MYLK: variants seen among roughly 807,000 people sequenced by gnomAD.
MYLK encodes myosin light chain kinase, smooth muscle.
In MYLK, 106 loss-of-function variants were observed where a neutral mutation model predicts 203.4. The observed-to-expected ratio is 0.52, with a 90% CI of 0.45 to 0.61. The LOEUF (loss-of-function observed/expected upper bound fraction) is 0.61. MYLK is among the 20% of genes least tolerant of loss of function. MYLK has a pLI of 0.00. For missense variants in MYLK, 2,072 were observed against 2,442.3 expected (o/e 0.85, Z 3.20); for synonymous variants, 867 against 959.5 (o/e 0.90, Z 1.78).
chr3:123,758,583 T>A (rs76061622), intron 4 of MYLK, among the ~76,000 whole-genome samples: 4,323 of 152,226 alleles, frequency 0.028, 201 homozygotes, highest in African/African-American at 0.096. Flanking sequence ...TAGGAATCCC[T>A]GCACCTCGAC....
chr3:123,654,109 G>A (rs192513651), intron 24 of MYLK, among the ~76,000 whole-genome samples: 23 of 151,992 alleles, frequency 1.5e-4, no homozygotes, highest in African/African-American at 3.1e-4. Context: ...GGATCCCTGC[G>A]AAAGCTGTCC....
rs760139340 is a variant in MYLK at position 123,781,085 on chromosome 3, C to T, written c.165+12592G>A. On this transcript the variant is annotated intron_variant, in intron 4 of 33. Transcript: ENST00000360304. ...TGATGGAAGTCCAAGAGGCAAATCC[C>T]GGGACCTGCTCAGGGAATGTAGGGC... Among the ~76,000 whole-genome samples, 9 of 152,182 alleles carry T rather than the reference C, an allele frequency of 5.9e-5. No homozygotes were observed. The South Asian group carries it at 6.2e-4, about 11-fold the overall frequency.
chr3:123,670,519 C>T (rs2059881315), intron 20 of MYLK, among the ~76,000 whole-genome samples: 1 of 152,084 alleles, frequency 6.6e-6, no homozygotes, highest in Non-Finnish European at 1.5e-5. Flanking sequence ...CTTTGGGAGG[C>T]AGAGGTGGCA....
At position 123,618,456 on chromosome 3, in the gene MYLK, G is replaced by A. The variant is rs2057640709; in HGVS notation, c.5500+183C>T. ...GTGACTGAAGGACACACCTTCAGGA[G>A]GTGGGAGTGCAGGGCATAGCCCTTT... On this transcript the variant is annotated intron_variant, in intron 33 of 33. Transcript: ENST00000360304. The A allele has an allele frequency of 7.4e-6, 5 of 680,148 alleles. No homozygotes were observed. The East Asian group carries it at 1.4e-4, about 19-fold the overall frequency. The allele number at this position is 680,148 out of a possible 1,614,324, so 42.1% of individuals were successfully genotyped here. A position where few individuals can be genotyped will look rare whatever the true frequency, so the allele number is the denominator to read the frequency against.
At chr3:123,803,612 G>A (rs1577024889) in intron 3 of MYLK, among the ~76,000 whole-genome samples, 1 of 152,242 alleles carries the variant, frequency 6.6e-6, no homozygotes, top group African/African-American at 2.4e-5. Flanking sequence ...AAGTAGGAAA[G>A]GTTCCAGCAG....
intron 16 of MYLK, among the ~76,000 whole-genome samples, chr3:123,702,479 G>A (rs940041661): frequency 9.2e-5 from 14 of 152,186 alleles, no homozygotes; most frequent in African/African-American, 2.9e-4. Flanking sequence ...TAAAGATAAG[G>A]AAAGGGGGCT....
intron 22 of MYLK, among the ~76,000 whole-genome samples, chr3:123,664,502 GGAT>G: frequency 6.6e-6 from 1 of 152,054 alleles, no homozygotes; most frequent in Non-Finnish European, 1.5e-5. Flanking sequence ...CAGGATGGAT[GGAT>G]GAACTAGCTG....
At chr3:123,630,177 G>A (rs1180041790) in intron 29 of MYLK, among the ~76,000 whole-genome samples, 2 of 152,190 alleles carry the variant, frequency 1.3e-5, no homozygotes, top group African/African-American at 4.8e-5. Flanking sequence ...GTAGGTTCGG[G>A]GAACTTGAGG....
intron 4 of MYLK, among the ~76,000 whole-genome samples, chr3:123,772,811 T>C (rs1053913442): frequency 6.6e-6 from 1 of 151,966 alleles, no homozygotes; most frequent in African/African-American, 2.4e-5. Context: ...ATGTTTCATT[T>C]AAAAAACGTG....
chr3:123,793,555 G>T, intron 4 of MYLK, 122 bp downstream of exon 4: 1 of 1,125,172 alleles, frequency 8.9e-7, no homozygotes, highest in Non-Finnish European at 1.3e-6. Context: ...CGTTTTACAT[G>T]AAGGTCCAAA....
chr3:123,780,435 AAAAAT>A (rs2064251995), intron 4 of MYLK, among the ~76,000 whole-genome samples: 1 of 152,246 alleles, frequency 6.6e-6, no homozygotes, highest in Non-Finnish European at 1.5e-5. Context: ...TTCTGTCTCA[AAAAAT>A]AAAATAAAAT....
intron 23 of MYLK, among the ~76,000 whole-genome samples, chr3:123,661,182 T>C (rs1576464077): frequency 6.6e-6 from 1 of 151,688 alleles, no homozygotes; most frequent in East Asian, 1.9e-4. Flanking sequence ...CGCGTAGTGG[T>C]GATCGGAGGA....
intron 3 of MYLK, among the ~76,000 whole-genome samples, chr3:123,797,258 A>G (rs527258464): frequency 6.6e-6 from 1 of 152,346 alleles, no homozygotes; most frequent in African/African-American, 2.4e-5. Flanking sequence ...TTTATAGCAT[A>G]TAGTATATGT....
At chr3:123,635,332 G>A (rs956719930) in intron 29 of MYLK, among the ~76,000 whole-genome samples, 4 of 152,230 alleles carry the variant, frequency 2.6e-5, no homozygotes, top group Non-Finnish European at 5.9e-5. Context: ...TCTCCTTGGC[G>A]CCAATGTTTG....
chr3:123,706,503 G>A (rs2061466327), intron 16 of MYLK, among the ~76,000 whole-genome samples: 1 of 152,104 alleles, frequency 6.6e-6, no homozygotes, highest in Non-Finnish European at 1.5e-5. Flanking sequence ...CTCAGGATGT[G>A]GCACGACCTC....
intron 4 of MYLK, among the ~76,000 whole-genome samples, chr3:123,764,061 C>T (rs932207360): frequency 1.3e-5 from 2 of 152,116 alleles, no homozygotes; most frequent in Admixed American, 6.5e-5. Context: ...ATTATTTTGG[C>T]TATCATTAAC....
intron 27 of MYLK, among the ~76,000 whole-genome samples, chr3:123,646,321 T>C (rs769113036): frequency 1.3e-5 from 2 of 152,158 alleles, no homozygotes; most frequent in Non-Finnish European, 2.9e-5. Flanking sequence ...GTGTTGGTGA[T>C]GGTTGTAGTG....
intron 31 of MYLK, 151 bp from the exon 32 acceptor site, chr3:123,620,487 C>T (rs537640257): frequency 1.5e-5 from 24 of 1,550,780 alleles, no homozygotes; most frequent in African/African-American, 9.5e-5. Context: ...GCCAGAGGAG[C>T]GAACCCAACC....
chr3:123,863,190 CAAA>C (rs1242305520), intron 2 of MYLK, among the ~76,000 whole-genome samples: 1 of 151,526 alleles, frequency 6.6e-6, no homozygotes, highest in African/African-American at 2.4e-5. Context: ...TCCACAGGGG[CAAA>C]AAAGAAATCT....
Sources: gnomAD v4.1 joint callset for allele counts (sites outside exome capture counted in the v4.1 genomes callset) on GRCh38, gnomAD v4.1.1 for gene constraint, MANE v1.5 for transcripts, NCBI Gene and HGNC (gene_info 2026-07-23, HGNC 2026-07-21) for gene names.